The following GNPTAB variants were observed in gnomAD, a reference collection of about 807,000 sequenced individuals.
GNPTAB encodes N-acetylglucosamine-1-phosphate transferase subunits alpha and beta, also known as N-acetylglucosamine-1-phosphotransferase subunits alpha/beta.
GNPTAB carries 92 observed loss-of-function variants against 136.6 expected under a neutral mutation model. The observed-to-expected ratio is 0.67, with a 90% confidence interval of 0.57 to 0.80. The LOEUF (loss-of-function observed/expected upper bound fraction) is 0.80. Among genes scored for constraint, GNPTAB ranks in the 30% least tolerant of loss-of-function variants. The pLI, the probability that GNPTAB is intolerant of heterozygous loss-of-function variation, is 0.00. For synonymous variants in GNPTAB, 512 were observed against 535.1 expected (o/e 0.96, Z 0.60); for missense variants, 1,343 against 1,501.8 (o/e 0.89, Z 1.75).
chr12:101,781,509 CA>C (rs1953343808), intron 5 of GNPTAB, among the ~76,000 whole-genome samples: 1 of 151,898 alleles, frequency 6.6e-6, no homozygotes, highest in African/African-American at 2.4e-5. Context: ...CTACAAAAAA[CA>C]AACAAACAAA....
intron 2 of GNPTAB, 28 bp downstream of exon 2, chr12:101,796,649 T>C (rs771446246): frequency 3.5e-6 from 5 of 1,438,910 alleles, no homozygotes; most frequent in Non-Finnish European, 4.9e-6. Context: ...TAGGTCCAAA[T>C]AATAGATTTC....
intron 7 of GNPTAB, among the ~76,000 whole-genome samples, chr12:101,774,735 T>C (rs914465036): frequency 1.3e-5 from 2 of 152,238 alleles, no homozygotes; most frequent in African/African-American, 4.8e-5. Flanking sequence ...AGTGAGAATA[T>C]TCAACAGTTC....
chr12:101,780,646 A>G, intron 5 of GNPTAB, 25 bp from the exon 6 acceptor site: 1 of 1,500,826 alleles, frequency 6.7e-7, no homozygotes, highest in Non-Finnish European at 9.3e-7. Context: ...ACAATAAACA[A>G]GCACATTTTT....
At chr12:101,785,910 T>C (rs1183681857) in intron 5 of GNPTAB, 102 bp downstream of exon 5, 2 of 936,364 alleles carry the variant, frequency 2.1e-6, no homozygotes, top group African/African-American at 3.3e-5. Flanking sequence ...TAGAAAAGTT[T>C]ATCAGACATT....
At chr12:101,768,328 G>C (rs1159775371) in intron 10 of GNPTAB, among the ~76,000 whole-genome samples, 168 bp from the exon 11 acceptor site, 2 of 152,306 alleles carry the variant, frequency 1.3e-5, no homozygotes, top group Non-Finnish European at 2.9e-5. Flanking sequence ...TGTACCTACA[G>C]TCATTGTTTA....
At position 101,770,125 on chromosome 12, in the gene GNPTAB, G is replaced by A. The variant is rs1953149619; in HGVS notation, c.1180C>T (p.Arg394Cys). Residue 394 changes from arginine (R) to cysteine (C), a missense_variant, in exon 10 of 21, where the codon CGC (arginine) becomes TGC (cysteine). Arg to Cys is a radical substitution (Grantham distance 180). Transcript: ENST00000299314. ...SSPAIESHIH[R>C]IEGLSQKFIY... ...AACTTCTGGGACAGCCCTTCGATGC[G>A]ATGAATGTGACTTTCAATAGCAGGT... 9 of 1,614,052 alleles carry A rather than the reference G, an allele frequency of 5.6e-6. No homozygotes were observed. The highest frequency in any genetic ancestry group is 1.1e-5 in the South Asian group (1 of 91,082).
chr12:101,770,304 G>C, intron 9 of GNPTAB, 102 bp downstream of exon 9: 1 of 1,376,902 alleles, frequency 7.3e-7, no homozygotes, highest in East Asian at 2.3e-5. Flanking sequence ...GGAAGAAATG[G>C]AGGTAGAAGG....
At position 101,760,180 on chromosome 12, in the gene GNPTAB, T is replaced by C. The variant is rs1485268817; in HGVS notation, c.3136-37A>G. 11 of 1,204,942 alleles carry C rather than the reference T, an allele frequency of 9.1e-6. 1 individual carries two copies. The highest frequency in any genetic ancestry group is 4.8e-5 in the South Asian group (4 of 82,876). The allele number at this position is 1,204,942 out of a possible 1,614,324, so 74.6% of individuals were successfully genotyped here. ...AAAGATGATAAATCTGTTATGCGCA[T>C]TGTAAGTAATGACTGTGGTTTTAAA... On this transcript the variant is annotated intron_variant, in intron 15 of 20. Coordinates refer to ENST00000299314, the MANE Select transcript of GNPTAB (RefSeq NM_024312.5).
intron 1 of GNPTAB, among the ~76,000 whole-genome samples, chr12:101,829,543 C>T (rs1427040236): frequency 6.6e-6 from 1 of 152,112 alleles, no homozygotes; most frequent in African/African-American, 2.4e-5. Context: ...CATCTTCACA[C>T]TGCATGGGAC....
chr12:101,814,969 G>A (rs1044528409), intron 1 of GNPTAB, among the ~76,000 whole-genome samples: 7 of 152,188 alleles, frequency 4.6e-5, no homozygotes, highest in South Asian at 4.1e-4. Context: ...ATATTATTAC[G>A]AAACTAGGTT....
intron 16 of GNPTAB, 99 bp from the exon 17 acceptor site, chr12:101,757,756 T>C (rs1952925446): frequency 4.1e-6 from 3 of 738,992 alleles, no homozygotes; most frequent in Admixed American, 3.7e-5. Context: ...GATTCTATGC[T>C]CTCTGGAGGT....
rs751562008 is a variant in GNPTAB at position 101,749,158 on chromosome 12, G to T, written c.3636C>A (p.Thr1212=). The part of the protein sequence containing the change: ...RAYRDKLKFW[T]HCVLATLIMF... ...TAATCAATGTTGCTAGTACACAATG[G>T]GTCCAAAACTTCAATTTGTCTCGAT... Residue 1212 remains threonine (T), a synonymous_variant, in exon 20 of 21, where the codon ACC becomes ACA. Transcript: ENST00000299314. 2 of 1,612,216 alleles carry T rather than the reference G, an allele frequency of 1.2e-6. No homozygotes were observed. Among genetic ancestry groups the T allele is most frequent in the East Asian group, 4.5e-5 (2 of 44,770 alleles).
chr12:101,804,670 T>C (rs781672415), intron 1 of GNPTAB, among the ~76,000 whole-genome samples: 6 of 152,236 alleles, frequency 3.9e-5, no homozygotes, highest in Non-Finnish European at 5.9e-5. Context: ...AAGCACTCAG[T>C]AGCCACATGC....
chr12:101,788,504 C>T (rs928540896), intron 4 of GNPTAB, 44 bp downstream of exon 4: 27 of 1,127,530 alleles, frequency 2.4e-5, no homozygotes, highest in Non-Finnish European at 3.4e-5. Context: ...AATTTCACTT[C>T]AATCCTTCAC....
At chr12:101,762,819 AGAAG>A (rs1953020303) in intron 13 of GNPTAB, among the ~76,000 whole-genome samples, 1 of 151,942 alleles carries the variant, frequency 6.6e-6, no homozygotes, top group South Asian at 2.1e-4. Context: ...AGGAGACTGA[AGAAG>A]GAAGAACTTT....
At chr12:101,750,352 T>C (rs1358074461) in intron 19 of GNPTAB, among the ~76,000 whole-genome samples, 1 of 152,122 alleles carries the variant, frequency 6.6e-6, no homozygotes, top group East Asian at 1.9e-4. Context: ...ACACAGCTCT[T>C]CCCCCTGTAT....
chr12:101,825,794 TA>T (rs2137191894), intron 1 of GNPTAB, among the ~76,000 whole-genome samples: 1 of 152,322 alleles, frequency 6.6e-6, no homozygotes, highest in South Asian at 2.1e-4. Flanking sequence ...TCATAGTTTG[TA>T]AACATTTTTT....
At chr12:101,758,418 G>A (rs916184410) in intron 16 of GNPTAB, among the ~76,000 whole-genome samples, 4 of 152,100 alleles carry the variant, frequency 2.6e-5, no homozygotes, top group African/African-American at 7.2e-5. Context: ...CAGGTGATCC[G>A]CCCACCTTGG....
At chr12:101,789,619 G>A (rs1027169563) in intron 3 of GNPTAB, among the ~76,000 whole-genome samples, 1 of 152,078 alleles carries the variant, frequency 6.6e-6, no homozygotes, top group Non-Finnish European at 1.5e-5. Context: ...CAATTAGCTG[G>A]GATTGCAGGC....
Sources: allele counts gnomAD v4.1 joint callset (sites outside exome capture counted in the v4.1 genomes callset), GRCh38; gene constraint gnomAD v4.1.1; transcripts MANE v1.5; gene names NCBI Gene and HGNC (gene_info 2026-07-23, HGNC 2026-07-21).